The following NQO2 variants were observed in gnomAD, a reference collection of about 807,000 sequenced individuals.
The protein encoded by NQO2 is N-ribosyldihydronicotinamide:quinone dehydrogenase 2.
A neutral mutation model predicts 22.0 loss-of-function variants in NQO2; 18 were observed. That is an observed-to-expected ratio of 0.82 (90% confidence interval 0.56 to 1.21). The LOEUF is 1.21. Among genes scored for constraint, NQO2 ranks in the 50% most tolerant of loss-of-function variants. The pLI is 0.00. For missense variants in NQO2, 267 were observed against 286.9 expected, an observed-to-expected ratio of 0.93 and a Z score of 0.50; for synonymous variants, 106 against 110.8, an observed-to-expected ratio of 0.96 and a Z score of 0.28.
Position 3,010,079 on chromosome 6 carries a change from C to A in NQO2, c.62C>A (p.Ser21Tyr), listed in dbSNP as rs148709548. Residue 21 changes from serine (S) to tyrosine (Y), a missense_variant, in exon 3 of 7, where the codon TCC becomes TAC. Coordinates refer to ENST00000380455, the MANE Select transcript of NQO2 (RefSeq NM_000904.6). ...AHQEPKSFNG[S>Y]LKNVAVDELS... is the part of the protein sequence containing the mutation. ...CAGGAACCCAAGTCTTTCAACGGAT[C>A]CTTGAAGAATGTGGCTGTAGATGAA... The A allele has an allele frequency of 1.2e-5, 19 of 1,613,906 alleles. No individual in the cohort carries two copies. The highest frequency in any genetic ancestry group is 1.6e-5 in the Non-Finnish European group (19 of 1,180,006).
In NQO2 at chr6:3,011,015, T is replaced by G. The variant is rs989283308; in HGVS notation, c.172+826T>G. On this transcript the variant is annotated intron_variant, in intron 3 of 6. Coordinates refer to ENST00000380455, the MANE Select transcript of NQO2 (RefSeq NM_000904.6). ...TCTAAGCAAATATATGTAATAAAAA[T>G]GAAAACAAGTCAGACATAGAAGACT... 3.3e-5 allele frequency among the ~76,000 whole-genome samples: 5 copies of G among 149,932 alleles called. No individual in the cohort carries two copies. The South Asian group carries it at 1.0e-3, about 31-fold the overall frequency.
At chr6:3,019,373 T>G in intron 6 of NQO2, 106 bp from the exon 7 acceptor site, 1 of 1,452,430 alleles carries the variant, frequency 6.9e-7, no homozygotes, top group Non-Finnish European at 9.1e-7. Flanking sequence ...GTTTCATGAT[T>G]TTTTGAAGGT....
chr6:3,005,904 GCAC>G, intron 1 of NQO2: 1 of 733,384 alleles, frequency 1.4e-6, no homozygotes, highest in Non-Finnish European at 1.7e-6. Flanking sequence ...GCTGGAAATT[GCAC>G]CAAGTCTGTC....
chr6:3,004,645 A>C (rs1039020638), intron 1 of NQO2: 35 of 985,294 alleles, frequency 3.6e-5, no homozygotes, highest in Non-Finnish European at 4.0e-5. Context: ...TCAAGATTCC[A>C]GTCCTGGTGG....
chr6:3,011,909 A>G (rs753267709), intron 3 of NQO2, among the ~76,000 whole-genome samples: 1 of 152,256 alleles, frequency 6.6e-6, no homozygotes, highest in Admixed American at 6.5e-5. Context: ...CACCAGACCC[A>G]CCTTACAAGA....
chr6:3,015,282 G>A, intron 4 of NQO2: 1 of 1,445,660 alleles, frequency 6.9e-7, no homozygotes, highest in Non-Finnish European at 9.2e-7. Context: ...CCCAGGGCCA[G>A]CATCAGGGGC....
chr6:3,001,452 A>C (rs991637894), intron 1 of NQO2, among the ~76,000 whole-genome samples: 2 of 152,226 alleles, frequency 1.3e-5, no homozygotes, highest in African/African-American at 4.8e-5. Context: ...ATCTCCGAAG[A>C]TCACAGCCAA....
intron 3 of NQO2, among the ~76,000 whole-genome samples, chr6:3,011,722 C>T (rs1042102608): frequency 6.6e-6 from 1 of 152,196 alleles, no homozygotes; most frequent in African/African-American, 2.4e-5. Context: ...AGCTCCAGTT[C>T]ATCTGGCAAC....
chr6:3,010,302 T>C, intron 3 of NQO2, 113 bp downstream of exon 3: 2 of 894,608 alleles, frequency 2.2e-6, no homozygotes, highest in Admixed American at 2.9e-5. Flanking sequence ...TAGCTTCACT[T>C]TCCAAAAACA....
chr6:3,001,865 G>A (rs1192884958), intron 1 of NQO2, among the ~76,000 whole-genome samples: 1 of 152,204 alleles, frequency 6.6e-6, no homozygotes, highest in Admixed American at 6.5e-5. Context: ...TGTCACTGCT[G>A]TGGATGGGGT....
Position 3,008,203 on chromosome 6 carries a change from A to G in NQO2, c.7+1644A>G, listed in dbSNP as rs376927846. 2.5e-4 allele frequency among the ~76,000 whole-genome samples: 38 copies of G among 152,262 alleles called. 1 individual carries two copies. The South Asian group carries it at 7.7e-3, about 31-fold the overall frequency. On this transcript the variant is annotated intron_variant, in intron 2 of 6. Transcript: ENST00000380455. ...GAGGCCAAGGTGGGCAGATCACCTG[A>G]GGTCGGGAGTTCGAGACCAGCTTGA...
rs1042517908 is a variant in NQO2 at position 3,012,662 on chromosome 6, A to G, written c.291A>G (p.Leu97=). The change falls in exon 4 of 7, where the codon CTA becomes CTG. Residue 97 remains leucine (L), a synonymous_variant. Transcript: ENST00000380455. ...DEQKKVREAD[L]VIFQFPLYWF... ...AGAAAAAGGTTCGGGAGGCTGACCT[A>G]GTGATATTTCAGGTTTGTTTTTCTC... is the stretch of plus-strand genomic sequence containing the variant. 24 of 1,613,374 alleles carry G rather than the reference A, an allele frequency of 1.5e-5. No individual in the cohort carries two copies. The highest frequency in any genetic ancestry group is 1.9e-5 in the Non-Finnish European group (22 of 1,179,710).
At position 3,012,531 on chromosome 6, in the gene NQO2, T is replaced by A. The variant is rs1257383830; in HGVS notation, c.173-13T>A. 3.7e-5 allele frequency: 59 copies of A among 1,613,844 alleles called. No individual in the cohort carries two copies. The highest frequency in any genetic ancestry group is 4.7e-5 in the Non-Finnish European group (56 of 1,179,938). ...CACCTAGGAGTGAGAATGTTTGGCC[T>A]CTTCCCCGACAGGTACTCTTTCTAA... On this transcript the variant is annotated splice_polypyrimidine_tract_variant and intron_variant, in intron 3 of 6. Coordinates refer to ENST00000380455, the MANE Select transcript of NQO2 (RefSeq NM_000904.6).
chr6:3,006,448 G>C lies in NQO2; in HGVS notation c.-85-20G>C. 1.9e-6 allele frequency: 3 copies of C among 1,592,058 alleles called. No homozygotes were observed. The highest frequency in any genetic ancestry group is 2.6e-6 in the Non-Finnish European group (3 of 1,170,386). On this transcript the variant is annotated intron_variant, in intron 1 of 6. Coordinates refer to ENST00000380455, the MANE Select transcript of NQO2 (RefSeq NM_000904.6). This position sits in a 1 kb window ranked among gnomAD's most constrained non-coding sequence, Gnocchi z 4.0. ...ACCTATGCCTCTCCCCACCCCCTCT[G>C]GGTTCGTTTTGTCTTCCAGATTGCT...
At position 3,006,667 on chromosome 6, in the gene NQO2, T is replaced by G; in HGVS notation, c.7+108T>G. Reference sequence around the variant, plus strand: ...CTGAGCTCAAGTGACCCTCCCACATTGACCTTCCAGGTGGGAGTTAGACTC... The same window carrying G: ...CTGAGCTCAAGTGACCCTCCCACATGGACCTTCCAGGTGGGAGTTAGACTC... On this transcript the variant is annotated intron_variant, in intron 2 of 6. Coordinates refer to ENST00000380455, the MANE Select transcript of NQO2 (RefSeq NM_000904.6). This position sits in a 1 kb window ranked among gnomAD's most constrained non-coding sequence, Gnocchi z 4.0. 5.2e-6 allele frequency: 6 copies of G among 1,161,806 alleles called. No homozygotes were observed. The highest frequency in any genetic ancestry group is 7.1e-6 in the Non-Finnish European group (6 of 847,114). The allele number at this position is 1,161,806 out of a possible 1,614,324, so 72.0% of individuals were successfully genotyped here. A position where few individuals can be genotyped will look rare whatever the true frequency, so the allele number is the denominator to read the frequency against.
rs751541117 is a variant in NQO2 at position 3,016,915 on chromosome 6, G to A, written c.449G>A (p.Gly150Glu). The part of the protein sequence containing the change: ...GKLALLSVTT[G>E]GTAEMYTKTG... Reference sequence around the variant, plus strand: ...CTAGCGCTCCTTTCCGTAACCACGGGAGGCACGGCCGAGATGTACACGAAG... The same window carrying A: ...CTAGCGCTCCTTTCCGTAACCACGGAAGGCACGGCCGAGATGTACACGAAG... The change falls in exon 6 of 7, where the codon GGA becomes GAA. Residue 150 changes from glycine to glutamate, a missense_variant. Coordinates refer to ENST00000380455, the MANE Select transcript of NQO2 (RefSeq NM_000904.6). 6.2e-7 allele frequency: 1 copy of A among 1,612,712 alleles called. No homozygotes were observed. The highest frequency in any genetic ancestry group is 2.2e-5 in the East Asian group (1 of 44,752).
At chr6:3,011,898 C>T (rs1271170750) in intron 3 of NQO2, among the ~76,000 whole-genome samples, 1 of 152,152 alleles carries the variant, frequency 6.6e-6, no homozygotes, top group East Asian at 1.9e-4. Flanking sequence ...AAATGCACCA[C>T]CACCAGACCC....
chr6:3,002,599 C>T (rs534724869), intron 1 of NQO2, among the ~76,000 whole-genome samples: 1 of 152,064 alleles, frequency 6.6e-6, no homozygotes, highest in African/African-American at 2.4e-5. Context: ...TGTGAGCCAC[C>T]ACAACTGGCG....
At chr6:3,004,050 C>G (rs185066349) in intron 1 of NQO2, 1 of 155,326 alleles carries the variant, frequency 6.4e-6, no homozygotes, top group Non-Finnish European at 1.4e-5. Context: ...TAACATCATC[C>G]CACAGTCCAG....
Sources: gnomAD v4.1 joint callset for allele counts (sites outside exome capture counted in the v4.1 genomes callset) on GRCh38, gnomAD v4.1.1 for gene constraint, Gnocchi (gnomAD v3.1) non-coding constraint, MANE v1.5 for transcripts, NCBI Gene and HGNC (gene_info 2026-07-23, HGNC 2026-07-21) for gene names.